Variants in MYO16 observed in about 807,000 individuals in gnomAD.
MYO16 encodes the protein myosin XVI.
A neutral mutation model predicts 205.3 loss-of-function variants in MYO16; 94 were observed. That is an observed-to-expected ratio of 0.46 (90% CI 0.39 to 0.54). The LOEUF is 0.54. MYO16 is among the 20% of genes least tolerant of loss of function. The pLI is 0.00. For missense variants in MYO16, 2,315 were observed against 2,387.5 expected, an observed-to-expected ratio of 0.97 and a Z score of 0.63; for synonymous variants, 988 against 954.0, an observed-to-expected ratio of 1.04 and a Z score of -0.66.
At chr13:109,083,104 C>T (rs530731800) in intron 27 of MYO16, among the ~76,000 whole-genome samples, 44 of 151,976 alleles carry the variant, frequency 2.9e-4, no homozygotes, top group African/African-American at 1.0e-3. Flanking sequence ...TTCTGCAGAT[C>T]GGGCGAGGTA....
chr13:108,691,720 A>C (rs1882904673), intron 2 of MYO16, among the ~76,000 whole-genome samples: 1 of 152,172 alleles, frequency 6.6e-6, no homozygotes, highest in South Asian at 2.1e-4. Flanking sequence ...TACAGGATGT[A>C]CTTATTCAGT....
At chr13:108,845,010 AG>A (rs2139074433) in intron 10 of MYO16, among the ~76,000 whole-genome samples, 1 of 152,172 alleles carries the variant, frequency 6.6e-6, no homozygotes, top group East Asian at 1.9e-4. Context: ...TTGGATTTGA[AG>A]GGGGAGAGGG....
At chr13:108,734,996 A>C (rs1373146410) in intron 4 of MYO16, among the ~76,000 whole-genome samples, 1 of 151,806 alleles carries the variant, frequency 6.6e-6, no homozygotes, top group Non-Finnish European at 1.5e-5. Flanking sequence ...ATTAGCTAGA[A>C]CCCCACGCCA....
chr13:108,871,007 C>A (rs1355665942), intron 12 of MYO16, among the ~76,000 whole-genome samples: 1 of 152,028 alleles, frequency 6.6e-6, no homozygotes, highest in East Asian at 1.9e-4. Context: ...TGTAGAAAGT[C>A]TGTAGAAATA....
At chr13:108,841,056 A>G (rs910296529) in intron 9 of MYO16, among the ~76,000 whole-genome samples, 1 of 152,238 alleles carries the variant, frequency 6.6e-6, no homozygotes, top group Non-Finnish European at 1.5e-5. Flanking sequence ...CAAAATGTAT[A>G]TGAAAATGCT....
At chr13:108,648,513 T>C (rs959051036) in intron 1 of MYO16, among the ~76,000 whole-genome samples, 1 of 152,106 alleles carries the variant, frequency 6.6e-6, no homozygotes, top group African/African-American at 2.4e-5. Flanking sequence ...GCACAGCACA[T>C]ACTGAACACA....
At chr13:108,852,649 A>C (rs1877942522) in intron 10 of MYO16, among the ~76,000 whole-genome samples, 1 of 152,150 alleles carries the variant, frequency 6.6e-6, no homozygotes, top group African/African-American at 2.4e-5. Flanking sequence ...AGGGCCCTCC[A>C]CACTCACCCG....
At chr13:108,560,558 T>C in the MYO16 span, among the ~76,000 whole-genome samples, 7 of 152,230 alleles carry the variant, frequency 4.6e-5, no homozygotes, top group Non-Finnish European at 1.0e-4. Flanking sequence ...ACTTTGCACT[T>C]ATTTCAGATA....
intron 2 of MYO16, among the ~76,000 whole-genome samples, chr13:108,705,613 G>A (rs188695975): frequency 0.015 from 2,278 of 152,130 alleles, 17 homozygotes; most frequent in South Asian, 0.028. Context: ...GAAAATCATA[G>A]CATATATACA....
At chr13:108,879,539 G>C (rs1420214977) in intron 12 of MYO16, among the ~76,000 whole-genome samples, 3 of 152,076 alleles carry the variant, frequency 2.0e-5, no homozygotes, top group African/African-American at 4.8e-5. Flanking sequence ...AGGCCCCAGT[G>C]TGTGATGTTC....
intron 32 of MYO16, among the ~76,000 whole-genome samples, chr13:109,153,034 G>A (rs919907593): frequency 6.6e-6 from 1 of 152,114 alleles, no homozygotes; most frequent in African/African-American, 2.4e-5. Context: ...TCCAGGGGAC[G>A]AGACTCACAT....
At chr13:109,032,636 T>C (rs1886580496) in intron 23 of MYO16, among the ~76,000 whole-genome samples, 1 of 152,198 alleles carries the variant, frequency 6.6e-6, no homozygotes, top group Non-Finnish European at 1.5e-5. Context: ...ATGTAGACTT[T>C]GGTGTATGAA....
In MYO16 at chr13:109,014,560, A is replaced by G. The variant is rs538826707; in HGVS notation, c.2596-5151A>G. ...GAATCTATAAATTACCTTGGGCAGT[A>G]TGGCCATTTTCACGATATTGATTCT... On this transcript the variant is annotated intron_variant, in intron 22 of 34. Coordinates refer to ENST00000457511, the MANE Select transcript of MYO16 (RefSeq NM_001198950.3). Among the ~76,000 whole-genome samples the G allele has an allele frequency of 6.4e-4, 98 of 152,256 alleles. 1 individual carries two copies. Among genetic ancestry groups the G allele is most frequent in the South Asian group, 5.0e-3 (24 of 4,816 alleles).
At chr13:108,962,856 C>G (rs1325334022) in intron 19 of MYO16, among the ~76,000 whole-genome samples, 1 of 152,232 alleles carries the variant, frequency 6.6e-6, no homozygotes, top group African/African-American at 2.4e-5. Flanking sequence ...GTTAGAACAG[C>G]TGTCATTTAT....
At chr13:109,116,438 G>A (rs188367788) in intron 28 of MYO16, among the ~76,000 whole-genome samples, 42 of 152,072 alleles carry the variant, frequency 2.8e-4, no homozygotes, top group African/African-American at 8.9e-4. Flanking sequence ...CGATTGCAAC[G>A]CTGCTCCTTC....
chr13:108,773,189 C>A (rs1411026610), intron 4 of MYO16, among the ~76,000 whole-genome samples: 2 of 152,142 alleles, frequency 1.3e-5, no homozygotes, highest in African/African-American at 4.8e-5. Context: ...AAAGGCCCCA[C>A]CTTCTGACAT....
chr13:109,030,110 C>T (rs1255692366), intron 23 of MYO16, among the ~76,000 whole-genome samples: 1 of 150,560 alleles, frequency 6.6e-6, no homozygotes, highest in Non-Finnish European at 1.5e-5. Flanking sequence ...ACTATAGGTT[C>T]CTAATAACCT....
At chr13:108,718,858 C>A (rs1884050885) in intron 3 of MYO16, among the ~76,000 whole-genome samples, 1 of 152,066 alleles carries the variant, frequency 6.6e-6, no homozygotes, top group South Asian at 2.1e-4. Context: ...GGAAGAGAAT[C>A]GTAACCTTGA....
At chr13:109,133,138 T>C (rs146047055) in intron 31 of MYO16, among the ~76,000 whole-genome samples, 7 of 152,344 alleles carry the variant, frequency 4.6e-5, no homozygotes, top group Middle Eastern at 3.4e-3. Context: ...TAGAAGTCCT[T>C]TCTGTCCATT....
Sources: allele counts gnomAD v4.1 joint callset (sites outside exome capture counted in the v4.1 genomes callset), GRCh38; gene constraint gnomAD v4.1.1; transcripts MANE v1.5; gene names NCBI Gene and HGNC (gene_info 2026-07-23, HGNC 2026-07-21).